Variants in CARMIL1 observed in about 807,000 individuals in gnomAD.
CARMIL1 encodes capping protein regulator and myosin 1 linker 1.
A neutral mutation model predicts 177.1 loss-of-function variants in CARMIL1; 90 were observed. The ratio of observed to expected loss-of-function variants is 0.51; its 90% confidence interval spans 0.43 to 0.61. The LOEUF is 0.61. Among genes scored for constraint, CARMIL1 ranks in the 20% least tolerant of loss-of-function variants. The pLI is 0.00. For synonymous variants in CARMIL1, 577 were observed against 606.2 expected, an observed-to-expected ratio of 0.95 and a Z score of 0.71; for missense variants, 1,380 against 1,667.0, an observed-to-expected ratio of 0.83 and a Z score of 3.00.
intron 35 of CARMIL1, among the ~76,000 whole-genome samples, chr6:25,607,913 T>A (rs927428186): frequency 1.3e-5 from 2 of 152,248 alleles, no homozygotes; most frequent in African/African-American, 4.8e-5. Context: ...GACTTCCTAA[T>A]TCTACTCAAA....
At chr6:25,309,193 C>G (rs2150198329) in intron 2 of CARMIL1, among the ~76,000 whole-genome samples, 1 of 152,112 alleles carries the variant, frequency 6.6e-6, no homozygotes, top group Admixed American at 6.5e-5. Context: ...TAGCCTCTCT[C>G]TTAAAACAAC....
At chr6:25,294,582 T>TC (rs1782248295) in intron 2 of CARMIL1, among the ~76,000 whole-genome samples, 1 of 152,218 alleles carries the variant, frequency 6.6e-6, no homozygotes, top group African/African-American at 2.4e-5. Context: ...CTTCTCACTC[T>TC]CCATTTCTTC....
In CARMIL1 at chr6:25,540,076, A is replaced by C. The variant is rs1410455956; in HGVS notation, c.2326A>C (p.Lys776Gln). The change falls in exon 26 of 37, where the codon AAG becomes CAG. Residue 776 changes from lysine (K) to glutamine (Q), a missense_variant and splice_region_variant. Transcript: ENST00000329474. ...TACAAGAGTAGTAGATGAACAACTA[A>C]AGGTTTGTGGGGTTTGTTATTTGGG... ...EVTRVVDEQLKALLESMVDAA... is the reference protein window; with the variant it reads ...EVTRVVDEQLQALLESMVDAA... The C allele has an allele frequency of 6.3e-7, 1 of 1,595,674 alleles. No homozygotes were observed.
chr6:25,320,742 C>T (rs1784608058), intron 2 of CARMIL1, among the ~76,000 whole-genome samples: 1 of 152,152 alleles, frequency 6.6e-6, no homozygotes, highest in African/African-American at 2.4e-5. Context: ...GAGGGGTGGA[C>T]TTTGGCTTTT....
intron 2 of CARMIL1, among the ~76,000 whole-genome samples, chr6:25,384,453 C>T (rs1026367956): frequency 6.6e-6 from 1 of 152,210 alleles, no homozygotes; most frequent in African/African-American, 2.4e-5. Flanking sequence ...AATAGGTACT[C>T]AGGTGTCATT....
intron 5 of CARMIL1, among the ~76,000 whole-genome samples, chr6:25,445,515 A>G (rs574970399): frequency 6.7e-6 from 1 of 150,222 alleles, no homozygotes; most frequent in African/African-American, 2.4e-5. Context: ...GGCTGCTTAT[A>G]TTGCCTTACA....
intron 8 of CARMIL1, among the ~76,000 whole-genome samples, chr6:25,450,962 C>T (rs1474977732): frequency 7.0e-4 from 10 of 14,272 alleles, no homozygotes; most frequent in East Asian, 1.8e-3. Flanking sequence ...CTCTCCTCTC[C>T]TCTCTTCTCT....
At chr6:25,280,861 C>T (rs1378187005) in intron 1 of CARMIL1, among the ~76,000 whole-genome samples, 1 of 152,072 alleles carries the variant, frequency 6.6e-6, no homozygotes, top group Non-Finnish European at 1.5e-5. Context: ...GATGTTTAAT[C>T]GGCGCTGACA....
At chr6:25,364,576 T>C (rs1789571203) in intron 2 of CARMIL1, among the ~76,000 whole-genome samples, 4 of 152,096 alleles carry the variant, frequency 2.6e-5, no homozygotes, top group Admixed American at 2.0e-4. Flanking sequence ...TTTCTTCTTT[T>C]TTTTGAGACA....
intron 2 of CARMIL1, among the ~76,000 whole-genome samples, chr6:25,393,246 A>G (rs534580272): frequency 6.6e-6 from 1 of 152,264 alleles, no homozygotes; most frequent in East Asian, 1.9e-4. Flanking sequence ...ATAAAATTAT[A>G]GGTGAGATTT....
intron 5 of CARMIL1, among the ~76,000 whole-genome samples, chr6:25,436,951 C>T (rs552996320): frequency 2.0e-5 from 3 of 152,138 alleles, no homozygotes; most frequent in South Asian, 2.1e-4. Context: ...CACACACAGG[C>T]GGTTCTGGAG....
rs538765663 is a variant in CARMIL1, at chr6:25,284,565, C to T, written c.41-247C>T. 4.1e-3 allele frequency among the ~76,000 whole-genome samples: 625 copies of T among 152,224 alleles called. 5 individuals are homozygous for T. Among genetic ancestry groups the T allele is most frequent in the African/African-American group, 0.013 (523 of 41,528 alleles). ...TCTCTACTAAATACAAAAAATTAGC[C>T]GGACCTGGTGGTGTGCGCCTGTAGT... On this transcript the variant is annotated intron_variant, in intron 1 of 36. Coordinates refer to ENST00000329474, the MANE Select transcript of CARMIL1 (RefSeq NM_017640.6).
At chr6:25,413,575 T>A (rs1446811613) in intron 2 of CARMIL1, among the ~76,000 whole-genome samples, 1 of 152,222 alleles carries the variant, frequency 6.6e-6, no homozygotes, top group Non-Finnish European at 1.5e-5. Context: ...TATAAATGTT[T>A]CTAAGTGAAA....
At chr6:25,281,960 C>T (rs887771819) in intron 1 of CARMIL1, among the ~76,000 whole-genome samples, 1 of 151,652 alleles carries the variant, frequency 6.6e-6, no homozygotes, top group Non-Finnish European at 1.5e-5. Context: ...ACTAAAAATA[C>T]AAAAATTAGC....
chr6:25,616,530 C>T (rs752798589), intron 36 of CARMIL1, among the ~76,000 whole-genome samples: 29 of 152,290 alleles, frequency 1.9e-4, no homozygotes, highest in African/African-American at 4.3e-4. Flanking sequence ...GCTATGACTG[C>T]GCCACTGAAT....
At chr6:25,524,570 C>T (rs558624524) in intron 23 of CARMIL1, among the ~76,000 whole-genome samples, 1 of 152,268 alleles carries the variant, frequency 6.6e-6, no homozygotes, top group Non-Finnish European at 1.5e-5. Context: ...TCATTTTCAG[C>T]TTTCAGCCAA....
intron 29 of CARMIL1, 132 bp from the exon 30 acceptor site, chr6:25,580,792 G>A (rs1813050359): frequency 1.5e-6 from 1 of 670,912 alleles, no homozygotes; most frequent in Non-Finnish European, 2.6e-6. Context: ...CTTCAGTTAG[G>A]TTTTCAATCA....
At chr6:25,576,472 A>C (rs1009860614) in intron 29 of CARMIL1, among the ~76,000 whole-genome samples, 1 of 152,202 alleles carries the variant, frequency 6.6e-6, no homozygotes, top group Non-Finnish European at 1.5e-5. Flanking sequence ...GTGGGAGCAC[A>C]GAGTGATGTA....
chr6:25,334,249 C>T (rs1055386293), intron 2 of CARMIL1, among the ~76,000 whole-genome samples: 6 of 152,194 alleles, frequency 3.9e-5, no homozygotes, highest in Non-Finnish European at 8.8e-5. Context: ...TGATTCTGGA[C>T]ACACAGAGTA....
Sources: allele counts gnomAD v4.1 joint callset (sites outside exome capture counted in the v4.1 genomes callset), GRCh38; gene constraint gnomAD v4.1.1; transcripts MANE v1.5; gene names NCBI Gene and HGNC (gene_info 2026-07-23, HGNC 2026-07-21).